GTF2F2: variants seen among roughly 807,000 people sequenced by gnomAD.
GTF2F2 encodes the protein general transcription factor IIF subunit 2.
In GTF2F2, 23 loss-of-function variants were observed where a neutral mutation model predicts 42.2. The observed-to-expected ratio is 0.55, with a 90% CI of 0.39 to 0.77. The LOEUF is 0.77. Among genes scored for constraint, GTF2F2 ranks in the 30% least tolerant of loss-of-function variants. GTF2F2 has a pLI of 0.00. For missense variants in GTF2F2, 261 were observed against 287.2 expected (o/e 0.91, Z 0.66); for synonymous variants, 105 against 100.8 (o/e 1.04, Z -0.25).
intron 5 of GTF2F2, among the ~76,000 whole-genome samples, chr13:45,212,455 C>CTTTCTTTCTTTTCT (rs1873698980): frequency 9.3e-5 from 9 of 96,656 alleles, no homozygotes; most frequent in African/African-American, 3.6e-4. Flanking sequence ...TTGTTTCTTT[C>CTTTCTTTCTTTTCT]TTTCTTTCTT....
At chr13:45,244,722 G>A (rs981708921) in intron 5 of GTF2F2, among the ~76,000 whole-genome samples, 6 of 152,114 alleles carry the variant, frequency 3.9e-5, no homozygotes, top group Non-Finnish European at 5.9e-5. Context: ...CCAGGCTGGC[G>A]TGCAGTGGCA....
chr13:45,255,526 G>T (rs927558722), intron 6 of GTF2F2, among the ~76,000 whole-genome samples: 1 of 152,174 alleles, frequency 6.6e-6, no homozygotes, highest in Admixed American at 6.5e-5. Flanking sequence ...TAAAGGACAG[G>T]TAAGGTTTCA....
intron 5 of GTF2F2, among the ~76,000 whole-genome samples, chr13:45,241,617 A>G (rs1404015500): frequency 6.6e-6 from 1 of 152,234 alleles, no homozygotes; most frequent in Non-Finnish European, 1.5e-5. Flanking sequence ...CAAGTCAATA[A>G]TGGAGTATTT....
intron 7 of GTF2F2, among the ~76,000 whole-genome samples, chr13:45,273,964 C>T (rs78707479): frequency 0.026 from 3,899 of 152,220 alleles, 130 homozygotes; most frequent in East Asian, 0.065. Context: ...TTGGGCTCTG[C>T]GTTTAAGAAA....
At position 45,252,895 on chromosome 13, in the gene GTF2F2, A is replaced by G; in HGVS notation, c.411A>G (p.Lys137=). ...LKRLQIEESS[K]PVRLSQQLDK... ...GATTGCAAATAGAAGAGTCTTCCAA[A>G]CCAGTGAGGCTATCACAACAGCTGG... Residue 137 remains lysine (K), a synonymous_variant, in exon 6 of 8, where the codon AAA becomes AAG. Transcript: ENST00000340473. 6.6e-7 allele frequency: 1 copy of G among 1,506,874 alleles called. No individual in the cohort carries two copies. The highest frequency in any genetic ancestry group is 1.3e-5 in the South Asian group (1 of 74,318). The allele number at this position is 1,506,874 out of a possible 1,614,324, so 93.3% of individuals were successfully genotyped here. A position where few individuals can be genotyped will look rare whatever the true frequency, so the allele number is the denominator to read the frequency against.
intron 5 of GTF2F2, among the ~76,000 whole-genome samples, chr13:45,238,521 CCCTCTTCCCACTCCCTTGTT>C (rs1341798156): frequency 2.6e-5 from 4 of 152,160 alleles, no homozygotes; most frequent in African/African-American, 4.8e-5. Context: ...TGCCTCCCCT[CCCTCTTCCCACTCCCTTGTT>C]CCTCTTCCCT....
In GTF2F2 at chr13:45,229,688, G is replaced by A. The variant is rs1874572316; in HGVS notation, c.386+22183G>A. Among the ~76,000 whole-genome samples the A allele has an allele frequency of 2.6e-5, 4 of 152,238 alleles. No individual in the cohort carries two copies. The South Asian group carries it at 8.3e-4, about 32-fold the overall frequency. On this transcript the variant is annotated intron_variant, in intron 5 of 7. Coordinates refer to ENST00000340473, the MANE Select transcript of GTF2F2 (RefSeq NM_004128.3). The stretch of plus-strand genomic sequence containing the variant: ...ATGTTAGAGAGCTGTCGACAGAAAG[G>A]AAACCTGGCCAGAAGAAAAAATGTA...
At chr13:45,221,818 A>G (rs542714635) in intron 5 of GTF2F2, among the ~76,000 whole-genome samples, 2 of 152,176 alleles carry the variant, frequency 1.3e-5, no homozygotes, top group Non-Finnish European at 2.9e-5. Flanking sequence ...TTCTTCCACT[A>G]CACATCTCAT....
chr13:45,152,065 G>A (rs948653781), intron 4 of GTF2F2, among the ~76,000 whole-genome samples: 2 of 151,970 alleles, frequency 1.3e-5, no homozygotes, highest in African/African-American at 4.8e-5. Flanking sequence ...ACAGGCATGC[G>A]CCACCATGCC....
At chr13:45,125,508 C>T (rs149167106) in intron 1 of GTF2F2, among the ~76,000 whole-genome samples, 1,811 of 152,066 alleles carry the variant, frequency 0.012, 30 homozygotes, top group African/African-American at 0.037. Flanking sequence ...TTAGTAGAGA[C>T]GGGGTTTCAC....
At position 45,219,153 on chromosome 13, in the gene GTF2F2, T is replaced by C. The variant is rs562360797; in HGVS notation, c.386+11648T>C. On this transcript the variant is annotated intron_variant, in intron 5 of 7. Transcript: ENST00000340473. ...TATTTTATGAATTAGAAGTTCTTTT[T>C]AGTGACTATCCTTAAAAAAAAAAAT... Among the ~76,000 whole-genome samples, 19 of 132,818 alleles carry C rather than the reference T, an allele frequency of 1.4e-4. 1 individual carries two copies. The highest frequency in any genetic ancestry group is 5.3e-4 in the African/African-American group (17 of 32,256). 87.1% of individuals were successfully genotyped at this position (132,818 alleles called of 152,430 possible).
At chr13:45,236,484 C>T (rs917326952) in intron 5 of GTF2F2, among the ~76,000 whole-genome samples, 13 of 117,944 alleles carry the variant, frequency 1.1e-4, no homozygotes, top group African/African-American at 5.7e-4. Flanking sequence ...CACCCCCCGC[C>T]ACACATACAC....
At chr13:45,165,845 A>G (rs1166732549) in intron 4 of GTF2F2, among the ~76,000 whole-genome samples, 2 of 125,662 alleles carry the variant, frequency 1.6e-5, no homozygotes, top group Non-Finnish European at 3.2e-5. Context: ...CGGAGTTTCA[A>G]TCTTCTTACC....
intron 5 of GTF2F2, among the ~76,000 whole-genome samples, chr13:45,249,392 A>T (rs1374985732): frequency 6.6e-6 from 1 of 151,712 alleles, no homozygotes; most frequent in African/African-American, 2.4e-5. Context: ...AAAAAAAATC[A>T]GTGTTTTCCT....
chr13:45,193,935 C>T (rs1265612662), intron 4 of GTF2F2: 1 of 1,614,072 alleles, frequency 6.2e-7, no homozygotes, highest in Admixed American at 1.7e-5. Flanking sequence ...TGTTGTCTTC[C>T]TTTAGTACAA....
intron 1 of GTF2F2, among the ~76,000 whole-genome samples, chr13:45,132,264 T>C (rs1869398044): frequency 6.6e-6 from 1 of 152,204 alleles, no homozygotes; most frequent in East Asian, 1.9e-4. Flanking sequence ...TCAAAGTCTC[T>C]CACTGGCGAT....
intron 7 of GTF2F2, among the ~76,000 whole-genome samples, chr13:45,274,827 C>T (rs1876959502): frequency 6.6e-6 from 1 of 151,896 alleles, no homozygotes; most frequent in African/African-American, 2.4e-5. Flanking sequence ...CCTATAGTTC[C>T]CGGCTACTTG....
chr13:45,222,894 G>A (rs960211907), intron 5 of GTF2F2, among the ~76,000 whole-genome samples: 3 of 152,136 alleles, frequency 2.0e-5, no homozygotes, highest in South Asian at 2.1e-4. Flanking sequence ...GGTGGCTCAC[G>A]CCTATAATTC....
chr13:45,191,224 A>AAATATATATATATATATATATAT, intron 4 of GTF2F2, among the ~76,000 whole-genome samples: 3 of 75,306 alleles, frequency 4.0e-5, no homozygotes, highest in African/African-American at 2.0e-4. Context: ...ACAAAAAAAA[A>AAATATATATATATATATATATAT]ATATATATAT....
Sources: gnomAD v4.1 joint callset for allele counts (sites outside exome capture counted in the v4.1 genomes callset) on GRCh38, gnomAD v4.1.1 for gene constraint, MANE v1.5 for transcripts, NCBI Gene and HGNC (gene_info 2026-07-23, HGNC 2026-07-21) for gene names.